The following SLC38A4 variants were observed in gnomAD, a reference collection of about 807,000 sequenced individuals.
SLC38A4 encodes the protein sodium-coupled neutral amino acid transporter 4.
In SLC38A4, 20 loss-of-function variants were observed where a neutral mutation model predicts 63.1. That is an observed-to-expected ratio of 0.32 (90% CI 0.22 to 0.46). The LOEUF is 0.46. SLC38A4 is among the 20% of genes least tolerant of loss of function. SLC38A4 has a pLI of 1.00. For missense variants in SLC38A4, 526 were observed against 663.6 expected, an observed-to-expected ratio of 0.79 and a Z score of 2.28; for synonymous variants, 230 against 225.5, an observed-to-expected ratio of 1.02 and a Z score of -0.18.
chr12:46,778,248 T>C (rs767818196), intron 12 of SLC38A4, 41 bp downstream of exon 12: 28 of 1,592,474 alleles, frequency 1.8e-5, no homozygotes, highest in Non-Finnish European at 2.3e-5. Flanking sequence ...ATGAGCAGAA[T>C]TTCAAAGCAA....
chr12:46,787,848 G>A (rs899362930), intron 5 of SLC38A4, 68 bp downstream of exon 5: 1 of 1,125,106 alleles, frequency 8.9e-7, no homozygotes, highest in Admixed American at 2.1e-5. Context: ...ACTTGAGATT[G>A]TTAATTGAAA....
At chr12:46,774,387 T>C (rs1938481614) in intron 14 of SLC38A4, among the ~76,000 whole-genome samples, 2 of 152,054 alleles carry the variant, frequency 1.3e-5, no homozygotes, top group African/African-American at 4.8e-5. Context: ...GTGGTGGTTT[T>C]AACTCACACA....
intron 3 of SLC38A4, 70 bp from the exon 4 acceptor site, chr12:46,788,688 TCAG>T: frequency 7.3e-7 from 1 of 1,365,790 alleles, no homozygotes; most frequent in Non-Finnish European, 1.0e-6. Context: ...TATGTATGTT[TCAG>T]GTGATCTAAG....
chr12:46,809,593 G>T (rs964822535), intron 1 of SLC38A4, among the ~76,000 whole-genome samples: 1 of 152,060 alleles, frequency 6.6e-6, no homozygotes, highest in Non-Finnish European at 1.5e-5. Context: ...GCAGTGCCCA[G>T]CATGGGACAT....
intron 13 of SLC38A4, among the ~76,000 whole-genome samples, chr12:46,775,496 GA>G (rs1459749789): frequency 1.3e-5 from 2 of 152,052 alleles, no homozygotes; most frequent in Non-Finnish European, 2.9e-5. Flanking sequence ...TGTTGAAGGG[GA>G]TGAGAGACCC....
rs776677923 is a variant in SLC38A4, at chr12:46,769,281, C to T, written c.1444+3G>A. The stretch of plus-strand genomic sequence containing the variant: ...ACCAAATTGAAGCCTTTCTGAAACT[C>T]ACCTATGAATCCGAAGATGTATTTT... On this transcript the variant is annotated splice_donor_region_variant and intron_variant, in intron 15 of 16. Coordinates refer to ENST00000266579, the MANE Select transcript of SLC38A4 (RefSeq NM_018018.5). 1.9e-6 allele frequency: 3 copies of T among 1,612,866 alleles called. No individual in the cohort carries two copies. The East Asian group carries it at 6.7e-5, about 36-fold the overall frequency.
rs1265901113 is a variant in SLC38A4, at chr12:46,765,261, A to G, written c.*1440T>C. ...GCTGTGAGTAGGAATTTTTAAATCC[A>G]TTTTATGTAAGTTTGTTATAGAAGT... is the stretch of plus-strand genomic sequence containing the variant. On this transcript the variant is annotated 3_prime_UTR_variant, in exon 17 of 17. Transcript: ENST00000266579. 1.3e-5 allele frequency: 2 copies of G among 156,726 alleles called. No individual in the cohort carries two copies. The highest frequency in any genetic ancestry group is 2.8e-5 in the Non-Finnish European group (2 of 70,392). 9.7% of individuals were successfully genotyped at this position (156,726 alleles called of 1,614,324 possible).
intron 1 of SLC38A4, among the ~76,000 whole-genome samples, chr12:46,820,111 A>T (rs568270179): frequency 6.6e-6 from 1 of 151,960 alleles, no homozygotes; most frequent in Admixed American, 6.5e-5. Context: ...CACTTGTGAA[A>T]CTGTCACCAT....
intron 7 of SLC38A4, among the ~76,000 whole-genome samples, chr12:46,783,242 TA>T (rs1449100353): frequency 2.7e-5 from 4 of 150,394 alleles, no homozygotes; most frequent in Non-Finnish European, 5.9e-5. Context: ...GATAGATAGA[TA>T]GATAGATAGA....
At chr12:46,814,336 C>G (rs1434887216) in intron 1 of SLC38A4, among the ~76,000 whole-genome samples, 1 of 151,890 alleles carries the variant, frequency 6.6e-6, no homozygotes, top group East Asian at 1.9e-4. Context: ...TAACAAGGCA[C>G]AGTTTGCAAT....
Position 46,778,494 on chromosome 12 carries a change from C to T in SLC38A4, c.993+7G>A. On this transcript the variant is annotated splice_region_variant and intron_variant, in intron 11 of 16. Transcript: ENST00000266579. Reference sequence around the variant, plus strand: ...GTACTCATTAGAAGCCCGGACCGCTCACTTACCCGGGAGTTGAATACAAAG... The same window carrying T: ...GTACTCATTAGAAGCCCGGACCGCTTACTTACCCGGGAGTTGAATACAAAG... The T allele has an allele frequency of 6.2e-7, 1 of 1,610,338 alleles. No individual in the cohort carries two copies. Among genetic ancestry groups the T allele is most frequent in the South Asian group, 1.1e-5 (1 of 90,986 alleles).
chr12:46,788,530 G>C lies in SLC38A4; in HGVS notation c.208C>G (p.His70Asp), dbSNP rs765720364. 2.5e-6 allele frequency: 4 copies of C among 1,612,126 alleles called. No homozygotes were observed. The highest frequency in any genetic ancestry group is 2.2e-5 in the South Asian group (2 of 91,026). The change falls in exon 4 of 17, where the codon CAC (histidine) becomes GAC (aspartate). Residue 70 changes from histidine (H) to aspartate (D), a missense_variant and splice_region_variant. By Grantham distance (81) the His-to-Asp change is moderately conservative (BLOSUM62 -1). Transcript: ENST00000266579. Reference sequence around the variant, plus strand: ...CCTGAAAGCATAGATTCACTTACGTGTTCATCAGCATAATCTGCCAGCTTC... The same window carrying C: ...CCTGAAAGCATAGATTCACTTACGTCTTCATCAGCATAATCTGCCAGCTTC... ...KKKLADYADE[H>D]HPGTTSFGMS...
At position 46,780,098 on chromosome 12, in the gene SLC38A4, C is replaced by T. The variant is rs533412789; in HGVS notation, c.494-68G>A. On this transcript the variant is annotated intron_variant, in intron 7 of 16. Coordinates refer to ENST00000266579, the MANE Select transcript of SLC38A4 (RefSeq NM_018018.5). ...GAAGTCACATGCAAGCAAGTTATGACATTTGGGATATGTAAGATGAACATC... is the reference window on the plus strand; with the variant it reads ...GAAGTCACATGCAAGCAAGTTATGATATTTGGGATATGTAAGATGAACATC... The T allele has an allele frequency of 3.3e-6, 4 of 1,201,446 alleles. No homozygotes were observed. The Admixed American group carries it at 5.2e-5, about 16-fold the overall frequency. 74.4% of individuals were successfully genotyped at this position (1,201,446 alleles called of 1,614,324 possible). A position where few individuals can be genotyped will look rare whatever the true frequency, so the allele number is the denominator to read the frequency against.
rs200713289 is a variant in SLC38A4 at position 46,778,391 on chromosome 12, C to A, written c.994-23G>T. On this transcript the variant is annotated intron_variant, in intron 11 of 16. Transcript: ENST00000266579. ...CGTCTGAAAAACAAAGACAACACCA[C>A]GTGTTTAGCATTCCAACATAGATGG... 16 of 1,611,902 alleles carry A rather than the reference C, an allele frequency of 9.9e-6. No homozygotes were observed. In the South Asian group the frequency reaches 1.5e-4, roughly 16 times the overall value.
chr12:46,819,332 T>G (rs545891182), intron 1 of SLC38A4, among the ~76,000 whole-genome samples: 15 of 151,294 alleles, frequency 9.9e-5, no homozygotes, highest in Non-Finnish European at 2.1e-4. Context: ...ATATGAGAAA[T>G]AAATGAACAC....
intron 7 of SLC38A4, among the ~76,000 whole-genome samples, chr12:46,783,219 TTGATAGA>T (rs1938683097): frequency 6.8e-6 from 1 of 146,192 alleles, no homozygotes; most frequent in South Asian, 2.2e-4. Context: ...GATGGATAAA[TTGATAGA>T]TGATAGATAG....
intron 5 of SLC38A4, among the ~76,000 whole-genome samples, chr12:46,786,644 C>T (rs1938767145): frequency 6.6e-6 from 1 of 152,070 alleles, no homozygotes; most frequent in Non-Finnish European, 1.5e-5. Context: ...TGACTACATA[C>T]ATAGCTATTA....
intron 3 of SLC38A4, among the ~76,000 whole-genome samples, chr12:46,792,533 G>C (rs1311134891): frequency 2.0e-5 from 3 of 152,104 alleles, no homozygotes; most frequent in Non-Finnish European, 4.4e-5. Flanking sequence ...AAATTCAGTA[G>C]AGAAACTTAA....
chr12:46,785,745 T>C (rs1213272144), intron 5 of SLC38A4, among the ~76,000 whole-genome samples: 2 of 134,044 alleles, frequency 1.5e-5, no homozygotes, highest in Admixed American at 7.3e-5. Flanking sequence ...TTCCTTTTTT[T>C]TTTTTTTTTT....
Sources: allele counts gnomAD v4.1 joint callset (sites outside exome capture counted in the v4.1 genomes callset), GRCh38; gene constraint gnomAD v4.1.1; transcripts MANE v1.5; gene names NCBI Gene and HGNC (gene_info 2026-07-23, HGNC 2026-07-21).